CFHR3: variants seen among roughly 807,000 people sequenced by gnomAD.
The protein encoded by CFHR3 is complement factor H related 3.
A neutral mutation model predicts 36.0 loss-of-function variants in CFHR3; 22 were observed. That is an observed-to-expected ratio of 0.61 (90% CI 0.44 to 0.87). CFHR3 has a LOEUF of 0.87. Among genes scored for constraint, CFHR3 ranks in the 40% least tolerant of loss-of-function variants. The pLI, the probability that CFHR3 is intolerant of heterozygous loss-of-function variation, is 0.00. For missense variants in CFHR3, 276 were observed against 401.3 expected, an observed-to-expected ratio of 0.69 and a Z score of 2.67; for synonymous variants, 97 against 137.4, an observed-to-expected ratio of 0.71 and a Z score of 2.06.
rs1239624754 is a variant in CFHR3 at position 196,785,827 on chromosome 1, T to A, written c.431-2389T>A. 1.5e-5 allele frequency among the ~76,000 whole-genome samples: 2 copies of A among 137,648 alleles called. 1 individual carries two copies. Among genetic ancestry groups the A allele is most frequent in the Non-Finnish European group, 3.1e-5 (2 of 64,742 alleles). The allele number at this position is 137,648 out of a possible 152,430, so 90.3% of individuals were successfully genotyped here. ...TCGTCAAAGTCATTCTCCGTCCAGC[T>A]TTGTTCCGTTGCTGGTGAGGAACTT... On this transcript the variant is annotated intron_variant, in intron 3 of 5. Coordinates refer to ENST00000367425, the MANE Select transcript of CFHR3 (RefSeq NM_021023.6).
Position 196,793,715 on chromosome 1 carries a change from G to T in CFHR3, c.*202G>T. 4.4e-6 allele frequency: 2 copies of T among 458,534 alleles called. No individual in the cohort carries two copies. Among genetic ancestry groups the T allele is most frequent in the Non-Finnish European group, 3.6e-6 (1 of 274,382 alleles). The allele number at this position is 458,534 out of a possible 1,614,324, so 28.4% of individuals were successfully genotyped here. A position where few individuals can be genotyped will look rare whatever the true frequency, so the allele number is the denominator to read the frequency against. ...ACAAACTAAATTATTGCTTATGCTTGTACTAAAATAATAAAAACTACTCTT... is the reference window on the plus strand; with the variant it reads ...ACAAACTAAATTATTGCTTATGCTTTTACTAAAATAATAAAAACTACTCTT... On this transcript the variant is annotated 3_prime_UTR_variant, in exon 6 of 6. Transcript: ENST00000367425.
intron 3 of CFHR3, among the ~76,000 whole-genome samples, chr1:196,781,589 G>T (rs865940248): frequency 7.3e-6 from 1 of 136,688 alleles, no homozygotes; most frequent in Non-Finnish European, 1.6e-5. Context: ...TTTTGGCTGC[G>T]TAAATGTCTT....
At chr1:196,788,543 A>G (rs2124860276) in intron 4 of CFHR3, 145 bp downstream of exon 4, 1 of 1,268,828 alleles carries the variant, frequency 7.9e-7, no homozygotes, top group East Asian at 2.5e-5. Flanking sequence ...TTCTGTGCCA[A>G]ATTAAGTCTT....
intron 1 of CFHR3, 130 bp from the exon 2 acceptor site, chr1:196,779,032 A>G (rs1171544056): frequency 4.1e-6 from 3 of 726,796 alleles, no homozygotes; most frequent in Non-Finnish European, 2.2e-6. Flanking sequence ...GGTCAGGATC[A>G]GGAAACTAGT....
chr1:196,790,244 C>T lies in CFHR3; in HGVS notation c.796+17C>T. On this transcript the variant is annotated intron_variant, in intron 5 of 5. Transcript: ENST00000367425. ...GATGCATACGTAAGTTCTTAAAATT[C>T]TAGATCCTGAGAAAATCAGAGTAAT... The T allele has an allele frequency of 1.6e-6, 2 of 1,223,382 alleles. 1 individual carries two copies. The highest frequency in any genetic ancestry group is 2.2e-6 in the Non-Finnish European group (2 of 909,764). 75.8% of individuals were successfully genotyped at this position (1,223,382 alleles called of 1,614,324 possible).
chr1:196,779,077 G>C, intron 1 of CFHR3, 85 bp from the exon 2 acceptor site: 3 of 1,060,718 alleles, frequency 2.8e-6, no homozygotes, highest in Non-Finnish European at 4.1e-6. Flanking sequence ...AAATGTTTGA[G>C]AGAAGGTGAT....
Position 196,779,338 on chromosome 1 carries a change from C to A in CFHR3, c.235C>A (p.Pro79Thr), listed in dbSNP as rs373258103. The change falls in exon 2 of 6, where the codon CCA becomes ACA. Residue 79 changes from proline (P) to threonine (T), a missense_variant. By Grantham distance (38) the Pro-to-Thr change is conservative. Transcript: ENST00000367425. The part of the protein sequence containing the change: ...YIHCTQNGWS[P>T]AVPCLRKCYF... The stretch of plus-strand genomic sequence containing the variant: ...TCATTGCACACAAAATGGGTGGTCA[C>A]CAGCAGTACCATGTCTCAGTAAGTA... The A allele has an allele frequency of 4.0e-6, 6 of 1,515,952 alleles. No individual in the cohort carries two copies. The highest frequency in any genetic ancestry group is 5.4e-6 in the Non-Finnish European group (6 of 1,118,428). The allele number at this position is 1,515,952 out of a possible 1,614,324, so 93.9% of individuals were successfully genotyped here. A position where few individuals can be genotyped will look rare whatever the true frequency, so the allele number is the denominator to read the frequency against.
At position 196,793,444 on chromosome 1, in the gene CFHR3, A is replaced by G. The variant is rs773132269; in HGVS notation, c.924A>G (p.Ala308=). 155 of 1,527,474 alleles carry G rather than the reference A, an allele frequency of 1.0e-4. 35 individuals are homozygous for G. The South Asian group carries it at 1.7e-3, about 16-fold the overall frequency. 94.6% of individuals were successfully genotyped at this position (1,527,474 alleles called of 1,614,324 possible). The change falls in exon 6 of 6, where the codon GCA becomes GCG. Residue 308 remains alanine, a synonymous_variant. Transcript: ENST00000367425. ...TTATGTGTAAATTGGGATATAATGC[A>G]AATACATCAATTCTATCATTTCAAG... ...IEFMCKLGYN[A]NTSILSFQAV...
chr1:196,780,290 GCACC>G (rs1653893331), intron 3 of CFHR3, among the ~76,000 whole-genome samples: 1 of 136,940 alleles, frequency 7.3e-6, no homozygotes, highest in Admixed American at 7.0e-5. Context: ...TCGTCATCTT[GCACC>G]AAGAAGATTA....
chr1:196,789,411 AG>A, intron 4 of CFHR3: 1 of 889,644 alleles, frequency 1.1e-6, no homozygotes, highest in Non-Finnish European at 1.3e-6. Flanking sequence ...ATACTTATCA[AG>A]GGCTCTGTGT....
chr1:196,785,300 A>G (rs1654149642), intron 3 of CFHR3, among the ~76,000 whole-genome samples: 1 of 133,926 alleles, frequency 7.5e-6, no homozygotes, highest in African/African-American at 3.2e-5. Flanking sequence ...GCTCTTCTCT[A>G]GGAGTATCTT....
chr1:196,782,763 A>T (rs1466304981), intron 3 of CFHR3, among the ~76,000 whole-genome samples: 2 of 136,946 alleles, frequency 1.5e-5, no homozygotes, highest in Non-Finnish European at 3.1e-5. Context: ...GGACAATTTG[A>T]CTTCCTCTTT....
Position 196,778,564 on chromosome 1 carries a change from C to T in CFHR3, c.59-598C>T, listed in dbSNP as rs1421926376. Among the ~76,000 whole-genome samples, 3 of 135,354 alleles carry T rather than the reference C, an allele frequency of 2.2e-5. 1 individual carries two copies. 88.8% of individuals were successfully genotyped at this position (135,354 alleles called of 152,430 possible). On this transcript the variant is annotated intron_variant, in intron 1 of 5. Transcript: ENST00000367425. ...TATATTTGAACATTCGTGTATGCAC[C>T]TATTTTTTTATGTCAATAATATATC...
chr1:196,791,815 T>C (rs546138219), intron 5 of CFHR3, among the ~76,000 whole-genome samples: 12 of 136,010 alleles, frequency 8.8e-5, no homozygotes, highest in East Asian at 7.9e-4. Context: ...TTCTGAGTCT[T>C]AAATTTGATT....
rs1414183422 is a variant in CFHR3 at position 196,776,639 on chromosome 1, G to A, written c.58+1695G>A. ...AAACAACCATTTACAAGGCAAAGGA[G>A]GAGGTCTCAGAAGCATCCAATCCTG... is the stretch of plus-strand genomic sequence containing the variant. On this transcript the variant is annotated intron_variant, in intron 1 of 5. Transcript: ENST00000367425. Among the ~76,000 whole-genome samples the A allele has an allele frequency of 1.2e-4, 17 of 136,318 alleles. 3 individuals are homozygous for A. The highest frequency in any genetic ancestry group is 2.5e-4 in the Non-Finnish European group (16 of 64,388). 89.4% of individuals were successfully genotyped at this position (136,318 alleles called of 152,430 possible).
chr1:196,793,572 T>A lies in CFHR3; in HGVS notation c.*59T>A. ...TCCACTTTTCCACTTCTCACTCTTA[T>A]GGTCTCAAAGCTTGCAAAGATAGCT... On this transcript the variant is annotated 3_prime_UTR_variant, in exon 6 of 6. Coordinates refer to ENST00000367425, the MANE Select transcript of CFHR3 (RefSeq NM_021023.6). 2 of 1,410,726 alleles carry A rather than the reference T, an allele frequency of 1.4e-6. No individual in the cohort carries two copies. The highest frequency in any genetic ancestry group is 1.3e-5 in the South Asian group (1 of 76,116). 87.4% of individuals were successfully genotyped at this position (1,410,726 alleles called of 1,614,324 possible). A position where few individuals can be genotyped will look rare whatever the true frequency, so the allele number is the denominator to read the frequency against.
intron 1 of CFHR3, among the ~76,000 whole-genome samples, chr1:196,775,501 G>T (rs1653675701): frequency 7.3e-6 from 1 of 136,866 alleles, no homozygotes. Context: ...CATATATAAT[G>T]AAAAAATAGA....
At chr1:196,778,012 GAAAA>G (rs1653802390) in intron 1 of CFHR3, among the ~76,000 whole-genome samples, 1 of 122,670 alleles carries the variant, frequency 8.2e-6, no homozygotes, top group Admixed American at 7.9e-5. Context: ...AGAAAAGAAA[GAAAA>G]ATTAAAATGA....
chr1:196,784,578 G>C lies in CFHR3; in HGVS notation c.431-3638G>C, dbSNP rs537647489. ...TGTAATGGCCTTCTTTGTCTCTTTT[G>C]ATCTTTGTTGGTTTAAAGTTTGTTT... On this transcript the variant is annotated intron_variant, in intron 3 of 5. Transcript: ENST00000367425. Among the ~76,000 whole-genome samples the C allele has an allele frequency of 1.1e-4, 15 of 135,898 alleles. No individual in the cohort carries two copies. The East Asian group carries it at 2.9e-3, about 27-fold the overall frequency. 89.2% of individuals were successfully genotyped at this position (135,898 alleles called of 152,430 possible).
Sources: allele counts gnomAD v4.1 joint callset (sites outside exome capture counted in the v4.1 genomes callset), GRCh38; gene constraint gnomAD v4.1.1; transcripts MANE v1.5; gene names NCBI Gene and HGNC (gene_info 2026-07-23, HGNC 2026-07-21).